The following USP34 variants were observed in gnomAD, a reference collection of about 807,000 sequenced individuals.
USP34 encodes ubiquitin carboxyl-terminal hydrolase 34.
Under a neutral mutation model 460.3 loss-of-function variants are expected in USP34, and 70 were observed. That is an observed-to-expected ratio of 0.15 (90% CI 0.13 to 0.19). The LOEUF (loss-of-function observed/expected upper bound fraction) is 0.19, where lower values mean the gene tolerates loss of function less well. Among genes scored for constraint, USP34 ranks in the 10% least tolerant of loss-of-function variants. The pLI, the probability that USP34 is intolerant of heterozygous loss-of-function variation, is 1.00. For synonymous variants in USP34, 1,647 were observed against 1,405.3 expected (o/e 1.17, Z -3.85); for missense variants, 3,985 against 4,236.2 (o/e 0.94, Z 1.65).
intron 10 of USP34, among the ~76,000 whole-genome samples, chr2:61,359,227 G>A (rs1692202007): frequency 6.6e-6 from 1 of 152,168 alleles, no homozygotes; most frequent in African/African-American, 2.4e-5. Context: ...GTATGGTACT[G>A]ACATAAGGAC....
chr2:61,348,950 C>T (rs1691854824), intron 13 of USP34, 64 bp from the exon 14 acceptor site: 3 of 1,504,560 alleles, frequency 2.0e-6, no homozygotes, highest in South Asian at 2.7e-5. Context: ...AACAGAATGA[C>T]ATTATCATTT....
intron 37 of USP34, among the ~76,000 whole-genome samples, chr2:61,282,713 C>T (rs1039481249): frequency 6.6e-6 from 1 of 151,998 alleles, no homozygotes; most frequent in Non-Finnish European, 1.5e-5. Context: ...TCGCTTGTTC[C>T]CAGGAGGTTG....
intron 18 of USP34, among the ~76,000 whole-genome samples, chr2:61,334,762 G>C (rs1386260960): frequency 1.3e-5 from 2 of 152,026 alleles, no homozygotes; most frequent in Non-Finnish European, 2.9e-5. Flanking sequence ...ATAATGGTGT[G>C]GTTCATGAAA....
chr2:61,402,692 C>T (rs750132531), intron 3 of USP34, among the ~76,000 whole-genome samples: 18 of 151,998 alleles, frequency 1.2e-4, no homozygotes, highest in Non-Finnish European at 2.2e-4. Context: ...AAAATATTAA[C>T]GAAAAATCAA....
chr2:61,353,277 G>C (rs1027170913), intron 10 of USP34, among the ~76,000 whole-genome samples: 3 of 151,978 alleles, frequency 2.0e-5, no homozygotes, highest in East Asian at 1.9e-4. Context: ...CATCTGAAAT[G>C]ATTACTAGAG....
chr2:61,452,399 A>G (rs1426186433), intron 1 of USP34, among the ~76,000 whole-genome samples: 1 of 134,236 alleles, frequency 7.4e-6, no homozygotes, highest in Non-Finnish European at 1.5e-5. Flanking sequence ...ATCTCAGCTC[A>G]TTGCAACCTC....
intron 64 of USP34, 122 bp from the exon 65 acceptor site, chr2:61,222,785 T>G (rs2103812788): frequency 1.1e-6 from 1 of 899,864 alleles, no homozygotes; most frequent in East Asian, 2.6e-5. Context: ...CAGCCTCCAC[T>G]TCTCAGGCTC....
chr2:61,236,897 T>A (rs538422744), intron 53 of USP34, among the ~76,000 whole-genome samples: 81 of 152,352 alleles, frequency 5.3e-4, no homozygotes, highest in African/African-American at 1.9e-3. Context: ...TACATTTTTG[T>A]CAGTTCTATA....
Position 61,339,689 on chromosome 2 carries a change from G to GA in USP34, c.2501-9dup, listed in dbSNP as rs369130574. 0.056 allele frequency: 54,384 copies of GA among 970,768 alleles called. No individual in the cohort carries two copies. Among genetic ancestry groups the GA allele is most frequent in the Non-Finnish European group, 0.062 (45,474 of 735,000 alleles). 60.1% of individuals were successfully genotyped at this position (970,768 alleles called of 1,614,324 possible). A position where few individuals can be genotyped will look rare whatever the true frequency, so the allele number is the denominator to read the frequency against. On this transcript the variant is annotated splice_polypyrimidine_tract_variant and intron_variant, in intron 16 of 79. Coordinates refer to ENST00000398571, the MANE Select transcript of USP34 (RefSeq NM_014709.4). ...GTTTATGAACTACAGGTCCTGAAGA[G>GA]AAAAAAAAAAAAAAGACACACTATA...
intron 3 of USP34, among the ~76,000 whole-genome samples, chr2:61,405,254 AAAAG>A (rs1553384297): frequency 1.2e-4 from 12 of 97,402 alleles, no homozygotes; most frequent in Admixed American, 2.4e-4. Context: ...AAAAAAAAAA[AAAAG>A]AAAGAAAGAA....
At chr2:61,285,440 T>C (rs189348426) in intron 34 of USP34, among the ~76,000 whole-genome samples, 20 of 148,400 alleles carry the variant, frequency 1.3e-4, no homozygotes, top group African/African-American at 5.0e-4. Context: ...TGAGCTGAGA[T>C]TGTGCCACTG....
In USP34 at chr2:61,470,983, G is replaced by GGGGGGA. The variant is rs1695945085; in HGVS notation, c.-297_-292dup. Among the ~76,000 whole-genome samples, 2 of 141,720 alleles carry GGGGGGA rather than the reference G, an allele frequency of 1.4e-5. No individual in the cohort carries two copies. Among genetic ancestry groups the GGGGGGA allele is most frequent in the Non-Finnish European group, 3.2e-5 (2 of 63,280 alleles). The allele number at this position is 141,720 out of a possible 152,430, so 93.0% of individuals were successfully genotyped here. A position where few individuals can be genotyped will look rare whatever the true frequency, so the allele number is the denominator to read the frequency against. ...GGGGAAGGACGGGGGGAGGGGAGAG[G>GGGGGGA]GGGGGAGGGGGCGGGTGGGGAGAGA... On this transcript the variant is annotated 5_prime_UTR_variant, in exon 1 of 80. Transcript: ENST00000398571.
intron 47 of USP34, 21 bp downstream of exon 47, chr2:61,256,852 A>G (rs1688736583): frequency 6.5e-7 from 1 of 1,534,920 alleles, no homozygotes; most frequent in Non-Finnish European, 8.7e-7. Context: ...AAGTAAAAAA[A>G]TTATGTGCAT....
chr2:61,233,300 C>G (rs1460227799), intron 57 of USP34, among the ~76,000 whole-genome samples: 2 of 151,998 alleles, frequency 1.3e-5, no homozygotes, highest in South Asian at 2.1e-4. Flanking sequence ...ATGTTAAACA[C>G]CACCAGGAAA....
At chr2:61,319,988 G>A (rs139289262) in intron 21 of USP34, among the ~76,000 whole-genome samples, 56 of 152,198 alleles carry the variant, frequency 3.7e-4, no homozygotes, top group African/African-American at 1.3e-3. Context: ...AGTTTTTGGC[G>A]AATCGGTGGT....
At chr2:61,259,846 A>G (rs1688825057) in intron 43 of USP34, 70 bp from the exon 44 acceptor site, 6 of 1,430,322 alleles carry the variant, frequency 4.2e-6, no homozygotes, top group Non-Finnish European at 5.8e-6. Flanking sequence ...TCTAGCAAAG[A>G]AAGTCTTGCA....
intron 5 of USP34, among the ~76,000 whole-genome samples, chr2:61,389,811 A>C (rs1321930141): frequency 6.6e-6 from 1 of 151,978 alleles, no homozygotes; most frequent in Non-Finnish European, 1.5e-5. Context: ...GAATTCTAGC[A>C]GCCCTCCTAA....
At chr2:61,364,171 T>C (rs547336303) in intron 10 of USP34, among the ~76,000 whole-genome samples, 61 of 152,288 alleles carry the variant, frequency 4.0e-4, no homozygotes, top group Non-Finnish European at 4.3e-4. Flanking sequence ...AGCCCAAACA[T>C]TGGAGACCAG....
intron 43 of USP34, among the ~76,000 whole-genome samples, chr2:61,263,346 A>G (rs1259656036): frequency 6.6e-6 from 1 of 151,156 alleles, no homozygotes; most frequent in Non-Finnish European, 1.5e-5. Context: ...TGCCTGGCTA[A>G]TTTTCATATT....
Sources: allele counts gnomAD v4.1 joint callset (sites outside exome capture counted in the v4.1 genomes callset), GRCh38; gene constraint gnomAD v4.1.1; transcripts MANE v1.5; gene names NCBI Gene and HGNC (gene_info 2026-07-23, HGNC 2026-07-21).